CCSER1: variants seen among roughly 807,000 people sequenced by gnomAD.
CCSER1 encodes coiled-coil serine rich protein 1.
Under a neutral mutation model 82.0 loss-of-function variants are expected in CCSER1, and 41 were observed. The ratio of observed to expected loss-of-function variants is 0.50; its 90% confidence interval spans 0.39 to 0.65. The LOEUF (loss-of-function observed/expected upper bound fraction) is 0.65. CCSER1 is among the 30% of genes least tolerant of loss of function. The probability of loss-of-function intolerance (pLI) is 0.00; values close to 1 mark genes in which losing one functional copy is unlikely to be tolerated. For missense variants in CCSER1, 1,119 were observed against 1,064.2 expected (o/e 1.05, Z -0.72); for synonymous variants, 414 against 383.9 (o/e 1.08, Z -0.92).
chr4:90,831,198 T>G (rs1316820796), intron 8 of CCSER1, among the ~76,000 whole-genome samples: 1 of 152,160 alleles, frequency 6.6e-6, no homozygotes, highest in African/African-American at 2.4e-5. Flanking sequence ...TGCGAAGAGA[T>G]GCCATTATGG....
chr4:90,846,369 T>G (rs754660600), intron 8 of CCSER1, among the ~76,000 whole-genome samples: 2 of 152,200 alleles, frequency 1.3e-5, no homozygotes, highest in East Asian at 3.8e-4. Flanking sequence ...GTTATTGGAA[T>G]AAAATTATTT....
chr4:91,496,774 A>AT lies in CCSER1; in HGVS notation c.2218-101796dup, dbSNP rs1402768888. Among the ~76,000 whole-genome samples, 22 of 97,904 alleles carry AT rather than the reference A, an allele frequency of 2.2e-4. 4 individuals are homozygous for AT. The highest frequency in any genetic ancestry group is 2.1e-3 in the Admixed American group (16 of 7,696). 64.2% of individuals were successfully genotyped at this position (97,904 alleles called of 152,430 possible). A position where few individuals can be genotyped will look rare whatever the true frequency, so the allele number is the denominator to read the frequency against. ...TTGAATATATATATATTCAATATATATTGAATATATATTGAATATATATTT... is the reference window on the plus strand; with the variant it reads ...TTGAATATATATATATTCAATATATATTTGAATATATATTGAATATATATTT... On this transcript the variant is annotated intron_variant, in intron 10 of 10. Transcript: ENST00000509176.
At chr4:91,247,233 C>T (rs1439519739) in intron 10 of CCSER1, among the ~76,000 whole-genome samples, 3 of 149,074 alleles carry the variant, frequency 2.0e-5, no homozygotes, top group South Asian at 2.1e-4. Flanking sequence ...ACCCGGGAGG[C>T]GGAGCTTGCA....
intron 10 of CCSER1, among the ~76,000 whole-genome samples, chr4:91,208,172 T>G (rs1037658039): frequency 1.3e-5 from 2 of 152,000 alleles, no homozygotes; most frequent in African/African-American, 2.4e-5. Context: ...TTTTCTCCAA[T>G]TCTGTAGGTT....
chr4:90,835,650 G>A (rs1457664506), intron 8 of CCSER1, among the ~76,000 whole-genome samples: 1 of 151,670 alleles, frequency 6.6e-6, no homozygotes, highest in Non-Finnish European at 1.5e-5. Flanking sequence ...ATACATCATC[G>A]ATAACATCTA....
At chr4:91,039,610 T>C (rs975324192) in intron 9 of CCSER1, among the ~76,000 whole-genome samples, 3 of 152,134 alleles carry the variant, frequency 2.0e-5, no homozygotes, top group Non-Finnish European at 4.4e-5. Flanking sequence ...GGCTACTATA[T>C]TTTAAATGCT....
intron 10 of CCSER1, among the ~76,000 whole-genome samples, chr4:91,103,426 A>G (rs551052261): frequency 3.9e-5 from 6 of 152,152 alleles, no homozygotes; most frequent in African/African-American, 1.4e-4. Flanking sequence ...AATGAAAAAA[A>G]TGCATTTCTA....
intron 9 of CCSER1, among the ~76,000 whole-genome samples, chr4:91,008,379 C>T (rs1738704713): frequency 6.6e-6 from 1 of 152,276 alleles, no homozygotes; most frequent in Non-Finnish European, 1.5e-5. Flanking sequence ...TATTTAGGTG[C>T]TTCAATGTTG....
intron 1 of CCSER1, among the ~76,000 whole-genome samples, chr4:90,247,409 A>G (rs918968241): frequency 6.6e-6 from 1 of 152,222 alleles, no homozygotes; most frequent in Admixed American, 6.5e-5. Flanking sequence ...TAATATAGAT[A>G]GAAAATATAA....
At chr4:90,615,676 T>G (rs751773289) in intron 5 of CCSER1, among the ~76,000 whole-genome samples, 1 of 45,748 alleles carries the variant, frequency 2.2e-5, no homozygotes, top group Middle Eastern at 0.01. Context: ...GAAAGTGTTG[T>G]TTTTTTTTTT....
chr4:90,423,269 A>C (rs1356552298), intron 4 of CCSER1, among the ~76,000 whole-genome samples: 1 of 152,094 alleles, frequency 6.6e-6, no homozygotes, highest in African/African-American at 2.4e-5. Context: ...CTCTATTGCC[A>C]GGCTAGAGTG....
intron 5 of CCSER1, among the ~76,000 whole-genome samples, chr4:90,474,192 ATC>A (rs1764767572): frequency 1.3e-5 from 2 of 151,944 alleles, no homozygotes; most frequent in Non-Finnish European, 2.9e-5. Context: ...GTAGATGTGT[ATC>A]TCATTATAAG....
intron 9 of CCSER1, among the ~76,000 whole-genome samples, chr4:91,057,965 A>T (rs2148726640): frequency 6.6e-6 from 1 of 152,318 alleles, no homozygotes; most frequent in South Asian, 2.1e-4. Flanking sequence ...AATCTGTCTT[A>T]TGGTAACATC....
intron 10 of CCSER1, among the ~76,000 whole-genome samples, chr4:91,371,851 C>T (rs941155667): frequency 8.1e-6 from 1 of 122,756 alleles, no homozygotes; most frequent in Non-Finnish European, 1.7e-5. Context: ...GAGCTTTCTA[C>T]CCTAGGACCT....
At position 90,231,783 on chromosome 4, in the gene CCSER1, A is replaced by G. The variant is rs548178849; in HGVS notation, c.-41-76461A>G. ...AGCAACTTCAGCAAAGTCTCAGGATACAAAATCAATGTACAAAAATCACAA... is the reference window on the plus strand; with the variant it reads ...AGCAACTTCAGCAAAGTCTCAGGATGCAAAATCAATGTACAAAAATCACAA... On this transcript the variant is annotated intron_variant, in intron 1 of 10. Transcript: ENST00000509176. Among the ~76,000 whole-genome samples, 3 of 152,160 alleles carry G rather than the reference A, an allele frequency of 2.0e-5. No homozygotes were observed. The East Asian group carries it at 5.8e-4, about 29-fold the overall frequency.
At chr4:90,933,555 T>G (rs1287036589) in intron 9 of CCSER1, among the ~76,000 whole-genome samples, 1 of 151,932 alleles carries the variant, frequency 6.6e-6, no homozygotes, top group Non-Finnish European at 1.5e-5. Flanking sequence ...AAAGATTAAC[T>G]TTTCTTTGCA....
At chr4:90,774,290 A>G (rs759544026) in intron 7 of CCSER1, among the ~76,000 whole-genome samples, 8 of 152,082 alleles carry the variant, frequency 5.3e-5, no homozygotes, top group Non-Finnish European at 1.2e-4. Context: ...CTAATATGAA[A>G]TATATTTTAT....
intron 10 of CCSER1, among the ~76,000 whole-genome samples, chr4:91,337,276 A>G (rs1348382827): frequency 6.6e-6 from 1 of 152,128 alleles, no homozygotes; most frequent in Non-Finnish European, 1.5e-5. Flanking sequence ...ATGAACATCC[A>G]CCATAATTTT....
chr4:90,344,232 A>G (rs1741931758), intron 3 of CCSER1, among the ~76,000 whole-genome samples: 1 of 152,194 alleles, frequency 6.6e-6, no homozygotes, highest in South Asian at 2.1e-4. Context: ...ACTCTTTTTT[A>G]CAGTCGAATA....
Sources: gnomAD v4.1 joint callset for allele counts (sites outside exome capture counted in the v4.1 genomes callset) on GRCh38, gnomAD v4.1.1 for gene constraint, MANE v1.5 for transcripts, NCBI Gene and HGNC (gene_info 2026-07-23, HGNC 2026-07-21) for gene names.